Variants in SHISA9 observed in about 807,000 individuals in gnomAD.
The protein encoded by SHISA9 is shisa family member 9, also known as protein shisa-9.
Under a neutral mutation model 38.0 loss-of-function variants are expected in SHISA9, and 13 were observed. The ratio of observed to expected loss-of-function variants is 0.34; its 90% CI spans 0.22 to 0.54. The LOEUF (loss-of-function observed/expected upper bound fraction) is 0.54. SHISA9 is among the 20% of genes least tolerant of loss of function. The pLI is 0.91. For missense variants in SHISA9, 538 were observed against 575.8 expected (o/e 0.93, Z 0.67); for synonymous variants, 275 against 242.0 (o/e 1.14, Z -1.27).
intron 2 of SHISA9, among the ~76,000 whole-genome samples, chr16:12,961,801 C>T (rs2141794037): frequency 6.6e-6 from 1 of 152,324 alleles, no homozygotes; most frequent in South Asian, 2.1e-4. Flanking sequence ...CAGCGAGTTC[C>T]TTGCGACAAG....
chr16:12,929,882 G>C (rs373869118), intron 2 of SHISA9, among the ~76,000 whole-genome samples: 1 of 152,136 alleles, frequency 6.6e-6, no homozygotes, highest in Non-Finnish European at 1.5e-5. Flanking sequence ...CCCTCTGCCT[G>C]CAACAAGCTT....
chr16:13,175,902 C>T (rs1301432281), intron 2 of SHISA9, among the ~76,000 whole-genome samples: 1 of 152,106 alleles, frequency 6.6e-6, no homozygotes, highest in East Asian at 1.9e-4. Context: ...TAGTTAGGTA[C>T]AAATCCAGAG....
chr16:13,358,236 G>C, the SHISA9 span, among the ~76,000 whole-genome samples: 2 of 152,160 alleles, frequency 1.3e-5, no homozygotes, highest in East Asian at 3.8e-4. Flanking sequence ...TAAAAGACCT[G>C]ATTGATTAGT....
At chr16:13,000,211 G>C (rs774103068) in intron 2 of SHISA9, among the ~76,000 whole-genome samples, 41 of 152,000 alleles carry the variant, frequency 2.7e-4, no homozygotes, top group Non-Finnish European at 4.9e-4. Flanking sequence ...CTCTCGGGGG[G>C]ACAAGCTGCT....
At chr16:13,349,516 A>G in the SHISA9 span, among the ~76,000 whole-genome samples, 1 of 152,182 alleles carries the variant, frequency 6.6e-6, no homozygotes, top group African/African-American at 2.4e-5. Context: ...CTAATACCAC[A>G]CAGAGCCACT....
chr16:13,099,406 A>G (rs1285710631), intron 2 of SHISA9, among the ~76,000 whole-genome samples: 1 of 152,222 alleles, frequency 6.6e-6, no homozygotes, highest in Non-Finnish European at 1.5e-5. Flanking sequence ...AGGGAGAATA[A>G]TAAAACAAGG....
At chr16:13,427,695 G>A in the SHISA9 span, among the ~76,000 whole-genome samples, 1 of 152,088 alleles carries the variant, frequency 6.6e-6, no homozygotes, top group East Asian at 1.9e-4. Flanking sequence ...TTGAGAGAAA[G>A]AGATGAGTAG....
the SHISA9 span, among the ~76,000 whole-genome samples, chr16:13,470,760 AAC>A: frequency 6.6e-6 from 1 of 152,220 alleles, no homozygotes; most frequent in East Asian, 1.9e-4. Context: ...ATATTAACCA[AAC>A]ACAGTTAATC....
intron 2 of SHISA9, among the ~76,000 whole-genome samples, chr16:13,181,265 TTTTATATA>T (rs1263987359): frequency 3.6e-4 from 33 of 91,626 alleles, no homozygotes; most frequent in African/African-American, 1.0e-3. Flanking sequence ...TAAAATAAAA[TTTTATATA>T]TATATATATA....
chr16:13,115,278 G>A (rs1299067540), intron 2 of SHISA9, among the ~76,000 whole-genome samples: 1 of 152,188 alleles, frequency 6.6e-6, no homozygotes, highest in Non-Finnish European at 1.5e-5. Flanking sequence ...GAGGTGTGAA[G>A]TGGGAAATCA....
At chr16:13,283,279 C>G in the SHISA9 span, among the ~76,000 whole-genome samples, 1 of 152,176 alleles carries the variant, frequency 6.6e-6, no homozygotes, top group African/African-American at 2.4e-5. Context: ...CCTCCTAACT[C>G]TGTCTCCCCT....
At chr16:13,451,336 C>G in the SHISA9 span, among the ~76,000 whole-genome samples, 1 of 152,232 alleles carries the variant, frequency 6.6e-6, no homozygotes, top group Non-Finnish European at 1.5e-5. Context: ...GACTCAGCGT[C>G]TGCTTTGGGA....
At chr16:13,068,818 G>GTGTATGTGTACTTATGCA (rs1567201172) in intron 2 of SHISA9, among the ~76,000 whole-genome samples, 1 of 152,192 alleles carries the variant, frequency 6.6e-6, no homozygotes, top group Non-Finnish European at 1.5e-5. Context: ...CATGCAATGT[G>GTGTATGTGTACTTATGCA]TGTATGTGTA....
chr16:13,138,655 A>G (rs1384554835), intron 2 of SHISA9, among the ~76,000 whole-genome samples: 1 of 152,164 alleles, frequency 6.6e-6, no homozygotes, highest in East Asian at 1.9e-4. Context: ...ACAATTATGG[A>G]TGGATGTCTC....
chr16:13,486,540 T>A, the SHISA9 span, among the ~76,000 whole-genome samples: 1 of 152,254 alleles, frequency 6.6e-6, no homozygotes, highest in African/African-American at 2.4e-5. Flanking sequence ...AACACATTTT[T>A]ACTCCATATC....
At chr16:13,509,595 G>A in the SHISA9 span, among the ~76,000 whole-genome samples, 1 of 152,092 alleles carries the variant, frequency 6.6e-6, no homozygotes, top group Non-Finnish European at 1.5e-5. Flanking sequence ...TTCATTTTCC[G>A]AATTTGAATT....
chr16:13,079,472 G>T (rs1025031425), intron 2 of SHISA9, among the ~76,000 whole-genome samples: 2 of 152,328 alleles, frequency 1.3e-5, no homozygotes, highest in Non-Finnish European at 2.9e-5. Context: ...CATTAAAAAT[G>T]ACAACATGAA....
At chr16:13,515,400 T>C in the SHISA9 span, among the ~76,000 whole-genome samples, 1 of 152,134 alleles carries the variant, frequency 6.6e-6, no homozygotes, top group Non-Finnish European at 1.5e-5. Flanking sequence ...ATATACATGA[T>C]TTTTTCTTAT....
the SHISA9 span, among the ~76,000 whole-genome samples, chr16:13,466,647 A>T: frequency 3.2e-3 from 483 of 152,334 alleles, 2 homozygotes; most frequent in African/African-American, 0.011. Flanking sequence ...GAAGATTGTA[A>T]CTGTAATGAG....
Sources: allele counts gnomAD v4.1 joint callset (sites outside exome capture counted in the v4.1 genomes callset), GRCh38; gene constraint gnomAD v4.1.1; transcripts MANE v1.5; gene names NCBI Gene and HGNC (gene_info 2026-07-23, HGNC 2026-07-21).